The following ERBB4 variants were observed in gnomAD, a reference collection of about 807,000 sequenced individuals.
ERBB4 encodes erb-b2 receptor tyrosine kinase 4, also known as receptor tyrosine-protein kinase erbB-4.
In ERBB4, 42 loss-of-function variants were observed where a neutral mutation model predicts 158.0. That is an observed-to-expected ratio of 0.27 (90% CI 0.21 to 0.34). The LOEUF is 0.34. Among genes scored for constraint, ERBB4 ranks in the 10% least tolerant of loss-of-function variants. The pLI is 1.00. For missense variants in ERBB4, 1,333 were observed against 1,624.1 expected, an observed-to-expected ratio of 0.82 and a Z score of 3.08; for synonymous variants, 583 against 558.7, an observed-to-expected ratio of 1.04 and a Z score of -0.61.
At chr2:212,435,660 C>G (rs140055992) in intron 1 of ERBB4, among the ~76,000 whole-genome samples, 1 of 151,812 alleles carries the variant, frequency 6.6e-6, no homozygotes, top group Non-Finnish European at 1.5e-5. Context: ...CATGCACACA[C>G]GAAATCCCAG....
At chr2:211,771,001 A>C (rs542213102) in intron 4 of ERBB4, among the ~76,000 whole-genome samples, 2 of 152,220 alleles carry the variant, frequency 1.3e-5, no homozygotes, top group South Asian at 2.1e-4. Context: ...GCCAATTTCA[A>C]ACTAACACAT....
intron 20 of ERBB4, among the ~76,000 whole-genome samples, chr2:211,461,864 TGTATTA>T (rs1468679795): frequency 1.3e-5 from 2 of 151,730 alleles, no homozygotes; most frequent in Non-Finnish European, 2.9e-5. Flanking sequence ...TTTAACAGTG[TGTATTA>T]GTTCCTACAC....
chr2:211,721,042 C>T (rs1367541844), intron 7 of ERBB4, among the ~76,000 whole-genome samples: 1 of 152,046 alleles, frequency 6.6e-6, no homozygotes, highest in Non-Finnish European at 1.5e-5. Flanking sequence ...GGTGTGCTTC[C>T]CTTTGGAAAT....
chr2:211,959,199 G>T (rs760352685), intron 2 of ERBB4, among the ~76,000 whole-genome samples: 6 of 151,884 alleles, frequency 4.0e-5, no homozygotes, highest in Non-Finnish European at 8.8e-5. Context: ...CCCTCTATTT[G>T]AGAAACATTG....
intron 1 of ERBB4, among the ~76,000 whole-genome samples, chr2:212,160,485 CA>C (rs1357891283): frequency 1.3e-5 from 2 of 151,868 alleles, no homozygotes; most frequent in African/African-American, 4.8e-5. Flanking sequence ...ATCACACACA[CA>C]AAAAGTCTTA....
At chr2:211,917,332 T>C (rs982490115) in intron 3 of ERBB4, among the ~76,000 whole-genome samples, 16 of 152,094 alleles carry the variant, frequency 1.1e-4, no homozygotes, top group African/African-American at 3.1e-4. Context: ...AAAAATGACG[T>C]ATTTTCCCGG....
At chr2:211,455,827 T>C (rs2064367905) in intron 20 of ERBB4, among the ~76,000 whole-genome samples, 4 of 152,188 alleles carry the variant, frequency 2.6e-5, no homozygotes, top group Admixed American at 2.6e-4. Flanking sequence ...CTCCACAATT[T>C]ATACCTAATT....
intron 3 of ERBB4, among the ~76,000 whole-genome samples, chr2:211,860,173 A>G (rs1308434631): frequency 6.6e-6 from 1 of 152,194 alleles, no homozygotes; most frequent in Admixed American, 6.5e-5. Flanking sequence ...GAGCTCTTTC[A>G]TTACTAAGTA....
At chr2:212,234,462 T>A (rs1409011111) in intron 1 of ERBB4, among the ~76,000 whole-genome samples, 1 of 152,330 alleles carries the variant, frequency 6.6e-6, no homozygotes. Flanking sequence ...TGTGTCTTTA[T>A]AATAGAATGA....
chr2:211,506,439 C>T (rs2065752084), intron 20 of ERBB4, among the ~76,000 whole-genome samples: 1 of 149,628 alleles, frequency 6.7e-6, no homozygotes, highest in Non-Finnish European at 1.5e-5. Context: ...ACACTCTTTC[C>T]AACAACCACA....
intron 3 of ERBB4, among the ~76,000 whole-genome samples, chr2:211,795,320 C>T (rs2076360986): frequency 6.6e-6 from 1 of 151,722 alleles, no homozygotes; most frequent in Non-Finnish European, 1.5e-5. Context: ...CTTTATGAAG[C>T]TGAGTTTGCT....
intron 20 of ERBB4, among the ~76,000 whole-genome samples, chr2:211,446,492 T>C (rs1292352942): frequency 6.6e-6 from 1 of 152,018 alleles, no homozygotes; most frequent in Admixed American, 6.6e-5. Flanking sequence ...TTTTTAAGAG[T>C]TTTCTATATG....
At chr2:212,014,178 C>A (rs182880874) in intron 2 of ERBB4, among the ~76,000 whole-genome samples, 1 of 152,274 alleles carries the variant, frequency 6.6e-6, no homozygotes, top group African/African-American at 2.4e-5. Context: ...CCTTCAAGAA[C>A]AGACAGCATT....
At chr2:211,430,555 T>C (rs1192052127) in intron 21 of ERBB4, among the ~76,000 whole-genome samples, 2 of 152,142 alleles carry the variant, frequency 1.3e-5, no homozygotes, top group Non-Finnish European at 2.9e-5. Context: ...ATGTTCTCTA[T>C]AAGAGTTAGT....
intron 1 of ERBB4, among the ~76,000 whole-genome samples, chr2:212,384,385 T>C (rs1238835939): frequency 6.6e-6 from 1 of 151,558 alleles, no homozygotes; most frequent in African/African-American, 2.4e-5. Context: ...TTAACCCCAG[T>C]TATTTTTCTC....
chr2:211,627,179 C>G (rs1329834287), intron 17 of ERBB4, among the ~76,000 whole-genome samples: 1 of 152,142 alleles, frequency 6.6e-6, no homozygotes, highest in South Asian at 2.1e-4. Flanking sequence ...GTTTACAATA[C>G]TTCATTTCCA....
chr2:211,660,677 T>C (rs746752641), intron 15 of ERBB4, among the ~76,000 whole-genome samples: 3 of 152,172 alleles, frequency 2.0e-5, no homozygotes, highest in Non-Finnish European at 4.4e-5. Flanking sequence ...ATGATCAATC[T>C]TGAAATAGCA....
At chr2:211,908,207 T>C (rs778043046) in intron 3 of ERBB4, among the ~76,000 whole-genome samples, 2 of 151,830 alleles carry the variant, frequency 1.3e-5, no homozygotes, top group African/African-American at 4.8e-5. Flanking sequence ...TGGGTGTTGA[T>C]GACAGGTGTA....
At chr2:212,333,459 G>A (rs2088278709) in intron 1 of ERBB4, among the ~76,000 whole-genome samples, 1 of 151,238 alleles carries the variant, frequency 6.6e-6, no homozygotes, top group African/African-American at 2.4e-5. Context: ...CAGGAGAACT[G>A]CTCGAGCCCA....
Sources: allele counts gnomAD v4.1 joint callset (sites outside exome capture counted in the v4.1 genomes callset), GRCh38; gene constraint gnomAD v4.1.1; transcripts MANE v1.5; gene names NCBI Gene and HGNC (gene_info 2026-07-23, HGNC 2026-07-21).